Variants in AGBL1 observed in about 807,000 individuals in gnomAD.
AGBL1 encodes the protein AGBL carboxypeptidase 1.
In AGBL1, 130 loss-of-function variants were observed where a neutral mutation model predicts 118.9. The observed-to-expected ratio is 1.09, with a 90% CI of 0.95 to 1.26. The LOEUF (loss-of-function observed/expected upper bound fraction) is 1.26, where lower values mean the gene tolerates loss of function less well. Ranked by LOEUF, AGBL1 falls within the 50% of genes most tolerant of loss-of-function variation. AGBL1 has a pLI of 0.00. For synonymous variants in AGBL1, 555 were observed against 478.9 expected (o/e 1.16, Z -2.08); for missense variants, 1,584 against 1,298.1 (o/e 1.22, Z -3.38).
intron 17 of AGBL1, among the ~76,000 whole-genome samples, chr15:86,392,688 C>T (rs1312475233): frequency 6.6e-6 from 1 of 152,150 alleles, no homozygotes; most frequent in East Asian, 1.9e-4. Context: ...ATCTCTTAGG[C>T]ATTATTCAAT....
rs530880078 is a variant in AGBL1 at position 86,261,692 on chromosome 15, G to T, written c.970-1086G>T. On this transcript the variant is annotated intron_variant, in intron 9 of 22. Transcript: ENST00000614907. Reference sequence around the variant, plus strand: ...GAAGAGACTGGGCTGGTTCATTCCTGGTGTCTTTTCTCTGTAAGACCCTAC... The same window carrying T: ...GAAGAGACTGGGCTGGTTCATTCCTTGTGTCTTTTCTCTGTAAGACCCTAC... 2.0e-5 allele frequency among the ~76,000 whole-genome samples: 3 copies of T among 151,728 alleles called. No homozygotes were observed. In the South Asian group the frequency reaches 6.3e-4, roughly 32 times the overall value.
rs139509830 is a variant in AGBL1 at position 86,109,414 on chromosome 15, T to G, written c.51+29391T>G. 2.7e-3 allele frequency among the ~76,000 whole-genome samples: 414 copies of G among 152,366 alleles called. 2 individuals are homozygous for G. Among genetic ancestry groups the G allele is most frequent in the African/African-American group, 9.7e-3 (403 of 41,584 alleles). On this transcript the variant is annotated intron_variant, in intron 1 of 22. Coordinates refer to ENST00000614907, the MANE Select transcript of AGBL1 (RefSeq NM_001386094.1). ...ATAATGTGTTTTAAAATTGACTTCC[T>G]GGCATTGCTTTATAATCCTTTTTTC...
rs1347036399 is a variant in AGBL1 at position 86,253,518 on chromosome 15, G to C, written c.736-3335G>C. Among the ~76,000 whole-genome samples, 8 of 152,202 alleles carry C rather than the reference G, an allele frequency of 5.3e-5. No individual in the cohort carries two copies. In the South Asian group the frequency reaches 1.7e-3, roughly 32 times the overall value. ...CCTGCCTCGGCCTCCCAAAGTGCTG[G>C]GATTACAGGCGTGAGGCACCATGCC... is the stretch of plus-strand genomic sequence containing the variant. On this transcript the variant is annotated intron_variant, in intron 7 of 22. Transcript: ENST00000614907.
At position 86,631,435 on chromosome 15, in the gene AGBL1, G is replaced by A. The variant is rs552190562; in HGVS notation, c.2995-42838G>A. 2.0e-5 allele frequency among the ~76,000 whole-genome samples: 3 copies of A among 152,314 alleles called. No homozygotes were observed. In the South Asian group the frequency reaches 6.2e-4, roughly 32 times the overall value. On this transcript the variant is annotated intron_variant, in intron 21 of 22. Transcript: ENST00000614907. Reference sequence around the variant, plus strand: ...GTCAAAGATAAAGGAACTCAGAGGGGCTGAGAGAGATTCAGAGAGATTGTG... The same window carrying A: ...GTCAAAGATAAAGGAACTCAGAGGGACTGAGAGAGATTCAGAGAGATTGTG...
chr15:86,284,348 A>G (rs2079407442), intron 16 of AGBL1, among the ~76,000 whole-genome samples: 1 of 151,842 alleles, frequency 6.6e-6, no homozygotes. Flanking sequence ...GGAATATTAA[A>G]CCATCCTTTC....
At chr15:86,101,880 T>C (rs1896743691) in intron 1 of AGBL1, among the ~76,000 whole-genome samples, 1 of 152,214 alleles carries the variant, frequency 6.6e-6, no homozygotes, top group African/African-American at 2.4e-5. Context: ...AAGATTGTTA[T>C]TGATATGTGA....
intron 16 of AGBL1, among the ~76,000 whole-genome samples, chr15:86,287,864 G>A (rs541555935): frequency 1.3e-5 from 2 of 152,242 alleles, no homozygotes; most frequent in East Asian, 3.9e-4. Context: ...AAGTTTAATG[G>A]TCATCTAAAT....
At chr15:86,398,050 G>A (rs770155665) in intron 18 of AGBL1, among the ~76,000 whole-genome samples, 1 of 152,110 alleles carries the variant, frequency 6.6e-6, no homozygotes, top group African/African-American at 2.4e-5. Flanking sequence ...TTACTACAGG[G>A]AAATCTTTAT....
At chr15:86,686,316 C>A (rs1452454) in intron 22 of AGBL1, among the ~76,000 whole-genome samples, 1 of 151,764 alleles carries the variant, frequency 6.6e-6, no homozygotes, top group African/African-American at 2.4e-5. Flanking sequence ...TAGTTTTTAA[C>A]CTCTCACATG....
chr15:86,391,823 T>C (rs2081292817), intron 17 of AGBL1, among the ~76,000 whole-genome samples: 1 of 151,998 alleles, frequency 6.6e-6, no homozygotes, highest in African/African-American at 2.4e-5. Context: ...TCATTTTTCC[T>C]TGGGTATTAT....
intron 22 of AGBL1, among the ~76,000 whole-genome samples, chr15:86,885,932 A>C (rs987908387): frequency 2.0e-5 from 3 of 152,234 alleles, no homozygotes; most frequent in African/African-American, 4.8e-5. Flanking sequence ...AGTCTGTAAC[A>C]ATAGCAACAC....
chr15:86,684,570 C>G (rs1473280814), intron 22 of AGBL1, among the ~76,000 whole-genome samples: 1 of 151,920 alleles, frequency 6.6e-6, no homozygotes, highest in Non-Finnish European at 1.5e-5. Flanking sequence ...GTCCTCTTGC[C>G]TTGGCCTCCC....
chr15:86,940,488 T>C (rs1272564514), intron 23 of AGBL1, among the ~76,000 whole-genome samples: 1 of 152,142 alleles, frequency 6.6e-6, no homozygotes, highest in Non-Finnish European at 1.5e-5. Context: ...ATACCTGGCA[T>C]ATAATGTTGA....
chr15:86,197,705 G>T (rs2077836778), intron 5 of AGBL1, among the ~76,000 whole-genome samples: 1 of 152,154 alleles, frequency 6.6e-6, no homozygotes, highest in South Asian at 2.1e-4. Context: ...GAGGAAGCAT[G>T]TTCTAAAGAG....
At chr15:86,755,883 G>A (rs1383320635) in intron 22 of AGBL1, among the ~76,000 whole-genome samples, 2 of 152,108 alleles carry the variant, frequency 1.3e-5, no homozygotes, top group Non-Finnish European at 2.9e-5. Context: ...CTCTACCAGG[G>A]CAATCAGTCA....
chr15:86,201,151 T>C (rs2077901189), intron 5 of AGBL1, among the ~76,000 whole-genome samples: 1 of 152,204 alleles, frequency 6.6e-6, no homozygotes, highest in African/African-American at 2.4e-5. Context: ...TTGGTTAATA[T>C]AATTTTAATA....
At chr15:86,874,519 C>A (rs1296878127) in intron 22 of AGBL1, among the ~76,000 whole-genome samples, 1 of 152,016 alleles carries the variant, frequency 6.6e-6, no homozygotes, top group African/African-American at 2.4e-5. Context: ...GAGCAAAGGC[C>A]CTGGTTCTTA....
intron 22 of AGBL1, among the ~76,000 whole-genome samples, chr15:86,800,422 A>G (rs957792665): frequency 1.3e-5 from 2 of 152,146 alleles, no homozygotes; most frequent in African/African-American, 4.8e-5. Flanking sequence ...CAAGTGAGAA[A>G]AAAGGCCCAG....
At chr15:86,600,986 C>T (rs1279298338) in intron 21 of AGBL1, among the ~76,000 whole-genome samples, 1 of 152,150 alleles carries the variant, frequency 6.6e-6, no homozygotes. Context: ...GCCTGCTGGG[C>T]TCCATTTGTA....
Sources: allele counts gnomAD v4.1 joint callset (sites outside exome capture counted in the v4.1 genomes callset), GRCh38; gene constraint gnomAD v4.1.1; transcripts MANE v1.5; gene names NCBI Gene and HGNC (gene_info 2026-07-23, HGNC 2026-07-21).